The following MID1 variants were observed in gnomAD, a reference collection of about 807,000 sequenced individuals.
MID1 encodes the protein E3 ubiquitin-protein ligase Midline-1.
MID1 carries 7 observed loss-of-function variants against 40.4 expected under a neutral mutation model. That is an observed-to-expected ratio of 0.17 (90% CI 0.10 to 0.33). The LOEUF is 0.33. Among genes scored for constraint, MID1 ranks in the 10% least tolerant of loss-of-function variants. The pLI is 1.00. For synonymous variants in MID1, 229 were observed against 221.2 expected, an observed-to-expected ratio of 1.04 and a Z score of -0.31; for missense variants, 367 against 558.5, an observed-to-expected ratio of 0.66 and a Z score of 3.46.
intron 7 of MID1, among the ~76,000 whole-genome samples, chrX:10,463,780 TTAAA>T (rs1569271588): frequency 1.8e-5 from 2 of 112,484 alleles, no homozygotes; most frequent in Non-Finnish European, 3.8e-5. Flanking sequence ...TCGGAGGACA[TTAAA>T]TAATTTGCTC....
intron 1 of MID1, among the ~76,000 whole-genome samples, chrX:10,642,823 C>T (rs1474203619): frequency 1.8e-5 from 2 of 110,039 alleles, no homozygotes; most frequent in East Asian, 2.8e-4. Context: ...GAGATATAGA[C>T]CAATGGAACA....
intron 2 of MID1, among the ~76,000 whole-genome samples, chrX:10,560,038 T>C (rs1245490767): frequency 1.8e-5 from 2 of 109,325 alleles, no homozygotes; most frequent in Non-Finnish European, 3.8e-5. Context: ...CATGCCACCA[T>C]ACCCAGTTGA....
chrX:10,608,170 T>G (rs1294460613), intron 1 of MID1, among the ~76,000 whole-genome samples: 1 of 112,225 alleles, frequency 8.9e-6, no homozygotes, highest in East Asian at 2.8e-4. Context: ...GTAAAATGAT[T>G]CAGCCACTCT....
At chrX:10,744,641 C>T (rs1182866977) in intron 1 of MID1, among the ~76,000 whole-genome samples, 1 of 111,636 alleles carries the variant, frequency 9.0e-6, no homozygotes, top group South Asian at 3.8e-4. Context: ...GAGTTACATA[C>T]ACTCCTTAAG....
At chrX:10,833,396 GA>G (rs1200844294) in intron 1 of MID1, among the ~76,000 whole-genome samples, 5 of 112,284 alleles carry the variant, frequency 4.5e-5, no homozygotes, top group Admixed American at 3.8e-4. Context: ...AAAACAGGCA[GA>G]AAAAGTTGTC....
At chrX:10,479,476 C>G (rs1930200399) in intron 5 of MID1, among the ~76,000 whole-genome samples, 1 of 110,960 alleles carries the variant, frequency 9.0e-6, no homozygotes, top group Admixed American at 9.6e-5. Context: ...TCCCTACCCA[C>G]CCCCACTCCC....
intron 1 of MID1, among the ~76,000 whole-genome samples, chrX:10,810,467 C>T (rs2044089558): frequency 8.9e-6 from 1 of 111,983 alleles, no homozygotes; most frequent in African/African-American, 3.2e-5. Context: ...GTGAATAATG[C>T]TGCTGTGAAC....
At position 10,584,954 on chromosome X, in the gene MID1, G is replaced by A. The variant is rs903235039; in HGVS notation, c.-56-17351C>T. Among the ~76,000 whole-genome samples the A allele has an allele frequency of 1.1e-4, 12 of 111,000 alleles. No homozygotes were observed. In the East Asian group the frequency reaches 3.1e-3, roughly 29 times the overall value. ...AGGCTCATAACTCTAAGGTGGGGGG[G>A]TCCACGTGAGAGGGTCATGATCAAT... On this transcript the variant is annotated intron_variant, in intron 1 of 9. Coordinates refer to ENST00000317552, the MANE Select transcript of MID1 (RefSeq NM_000381.4).
At chrX:10,555,185 T>C (rs1486928939) in intron 2 of MID1, among the ~76,000 whole-genome samples, 2 of 111,829 alleles carry the variant, frequency 1.8e-5, no homozygotes, top group Non-Finnish European at 3.8e-5. Flanking sequence ...CCGCGAACAG[T>C]AGACCTTTCA....
intron 1 of MID1, among the ~76,000 whole-genome samples, chrX:10,585,094 T>C (rs1198239493): frequency 9.0e-6 from 1 of 111,409 alleles, no homozygotes; most frequent in East Asian, 2.8e-4. Flanking sequence ...CATCAGTTGC[T>C]AGGTCAGGGG....
chrX:10,636,185 C>A (rs772736357), intron 1 of MID1, among the ~76,000 whole-genome samples: 52 of 111,808 alleles, frequency 4.7e-4, no homozygotes, highest in Admixed American at 8.5e-4. Context: ...AGATTTAAAA[C>A]CCTTCAGAAA....
At chrX:10,796,413 G>GTTTT (rs60292194) in intron 1 of MID1, among the ~76,000 whole-genome samples, 137 of 86,681 alleles carry the variant, frequency 1.6e-3, no homozygotes, top group African/African-American at 4.9e-3. Flanking sequence ...AGAAAATTCA[G>GTTTT]TTTTTTTTTT....
At chrX:10,538,201 G>C (rs1933333640) in intron 2 of MID1, among the ~76,000 whole-genome samples, 1 of 111,157 alleles carries the variant, frequency 9.0e-6, no homozygotes, top group Non-Finnish European at 1.9e-5. Context: ...TTGAACTCCT[G>C]GGCTCAAGCA....
chrX:10,663,603 A>C (rs2042931373), intron 1 of MID1, among the ~76,000 whole-genome samples: 1 of 111,344 alleles, frequency 9.0e-6, no homozygotes, highest in South Asian at 3.7e-4. Flanking sequence ...CTGAGCAAGG[A>C]TGTGGAATCT....
At position 10,786,518 on chromosome X, in the gene MID1, T is replaced by C. The variant is rs377106259; in HGVS notation, c.-187+47036A>G. ...ATGCTGGTATAAAGACACATGCACA[T>C]GTATGTTTATTGTGGCACTATTCAC... On this transcript the variant is annotated intron_variant, in intron 1 of 10. Coordinates refer to the MID1 transcript ENST00000380785. 6.6e-3 allele frequency among the ~76,000 whole-genome samples: 735 copies of C among 111,035 alleles called. 13 individuals are homozygous for C. In the South Asian group the frequency reaches 0.11, roughly 16 times the overall value.
intron 6 of MID1, 32 bp from the exon 7 acceptor site, chrX:10,469,872 A>T (rs767080170): frequency 2.5e-6 from 3 of 1,177,247 alleles, no homozygotes; most frequent in Non-Finnish European, 3.5e-6. Flanking sequence ...ATCAGTGGAA[A>T]AGCACACACA....
intron 1 of MID1, among the ~76,000 whole-genome samples, chrX:10,686,611 TTTG>T (rs2043099843): frequency 1.8e-5 from 2 of 112,202 alleles, no homozygotes; most frequent in South Asian, 7.5e-4. Flanking sequence ...TAAAAAATAC[TTTG>T]TTGTTGCAGA....
At chrX:10,632,721 G>A (rs912555098) in intron 1 of MID1, among the ~76,000 whole-genome samples, 2 of 111,238 alleles carry the variant, frequency 1.8e-5, no homozygotes, top group Non-Finnish European at 3.8e-5. Flanking sequence ...TATATCAGGG[G>A]TTGGCAAACT....
intron 1 of MID1, among the ~76,000 whole-genome samples, chrX:10,697,065 A>G (rs1302124916): frequency 1.8e-5 from 2 of 112,100 alleles, no homozygotes; most frequent in African/African-American, 6.5e-5. Context: ...GTGTAGGAAC[A>G]CCTCTAGGAC....
Sources: gnomAD v4.1 joint callset for allele counts (sites outside exome capture counted in the v4.1 genomes callset) on GRCh38, gnomAD v4.1.1 for gene constraint, MANE v1.5 for transcripts, NCBI Gene and HGNC (gene_info 2026-07-23, HGNC 2026-07-21) for gene names.